The following TNKS variants were observed in gnomAD, a reference collection of about 807,000 sequenced individuals.
TNKS encodes poly [ADP-ribose] polymerase tankyrase-1.
A neutral mutation model predicts 135.8 loss-of-function variants in TNKS; 72 were observed. The observed-to-expected ratio is 0.53, with a 90% CI of 0.44 to 0.64. The LOEUF (loss-of-function observed/expected upper bound fraction) is 0.64, where lower values mean the gene tolerates loss of function less well. Ranked by LOEUF, TNKS falls within the 30% of genes least tolerant of loss-of-function variation. The pLI is 0.00. For missense variants in TNKS, 1,769 were observed against 1,674.0 expected (o/e 1.06, Z -0.99); for synonymous variants, 849 against 649.3 (o/e 1.31, Z -4.68).
In TNKS at chr8:9,556,640, G is replaced by C. The variant is rs779783565; in HGVS notation, c.673+28G>C. 1.1e-5 allele frequency: 18 copies of C among 1,611,650 alleles called. No homozygotes were observed. In the South Asian group the frequency reaches 2.0e-4, roughly 18 times the overall value. ...CAGAGACTTTTGAATTGTTTATTAA[G>C]GGTTATGGGTTTGGGTGCAGGGTCC... On this transcript the variant is annotated intron_variant, in intron 1 of 26. Coordinates refer to ENST00000310430, the MANE Select transcript of TNKS (RefSeq NM_003747.3).
intron 26 of TNKS, among the ~76,000 whole-genome samples, chr8:9,771,164 G>T: frequency 6.8e-6 from 1 of 147,922 alleles, no homozygotes; most frequent in East Asian, 2.0e-4. Flanking sequence ...CAGACAGGAA[G>T]GAAAGGAGGG....
chr8:9,594,011 C>T (rs910064967), intron 2 of TNKS, among the ~76,000 whole-genome samples: 3 of 152,044 alleles, frequency 2.0e-5, no homozygotes, highest in African/African-American at 7.2e-5. Context: ...CTCAGCCTCC[C>T]GAATAGCTGG....
intron 20 of TNKS, among the ~76,000 whole-genome samples, chr8:9,757,564 C>A (rs1405389163): frequency 6.6e-6 from 1 of 152,168 alleles, no homozygotes; most frequent in Admixed American, 6.6e-5. Context: ...TTCCTCATCT[C>A]CTTCCTGCTC....
intron 3 of TNKS, among the ~76,000 whole-genome samples, chr8:9,678,972 A>G (rs79591946): frequency 6.6e-6 from 1 of 152,160 alleles, no homozygotes; most frequent in Non-Finnish European, 1.5e-5. Flanking sequence ...CTTTTTATTT[A>G]CTGAAGGAAC....
chr8:9,659,229 G>C (rs1324402752), intron 3 of TNKS, among the ~76,000 whole-genome samples: 1 of 152,282 alleles, frequency 6.6e-6, no homozygotes, highest in Non-Finnish European at 1.5e-5. Flanking sequence ...TCTGCACCAA[G>C]TGGACCTAAT....
intron 15 of TNKS, 41 bp from the exon 16 acceptor site, chr8:9,734,824 T>A (rs1249113463): frequency 6.4e-7 from 1 of 1,554,654 alleles, no homozygotes; most frequent in East Asian, 2.2e-5. Context: ...ACCTACTTAC[T>A]ACAGAAAATA....
In TNKS at chr8:9,593,790, C is replaced by T. The variant is rs369252385; in HGVS notation, c.898+13407C>T. 1.3e-4 allele frequency among the ~76,000 whole-genome samples: 20 copies of T among 152,226 alleles called. No individual in the cohort carries two copies. In the East Asian group the frequency reaches 2.9e-3, roughly 22 times the overall value. On this transcript the variant is annotated intron_variant, in intron 2 of 26. Transcript: ENST00000310430. ...GTTAACATCCTGGAACTTGGAATGGCACGGGATTGGGGATGGGGGAAAGAA... is the reference window on the plus strand; with the variant it reads ...GTTAACATCCTGGAACTTGGAATGGTACGGGATTGGGGATGGGGGAAAGAA...
chr8:9,673,087 A>G (rs1347784349), intron 3 of TNKS, among the ~76,000 whole-genome samples: 1 of 152,102 alleles, frequency 6.6e-6, no homozygotes, highest in African/African-American at 2.4e-5. Context: ...GCCGATGTGT[A>G]TTTATTGAGA....
chr8:9,710,134 T>C lies in TNKS; in HGVS notation c.1671-8T>C. ...AATTACCTTTTCTTTCTTTCCTCTT[T>C]TCTGTAGTTTCATGACTCCCCTGCA... On this transcript the variant is annotated splice_polypyrimidine_tract_variant and splice_region_variant and intron_variant, in intron 10 of 26. Transcript: ENST00000310430. 6.2e-7 allele frequency: 1 copy of C among 1,614,006 alleles called. No homozygotes were observed. Among genetic ancestry groups the C allele is most frequent in the South Asian group, 1.1e-5 (1 of 91,080 alleles).
chr8:9,765,771 A>C lies in TNKS; in HGVS notation c.3527A>C (p.His1176Pro). 6.2e-7 allele frequency: 1 copy of C among 1,613,992 alleles called. No homozygotes were observed. ...QKEVSEENHN[H>P]HNERMLFHGS... Reference sequence around the variant, plus strand: ...GAAGTGTCTGAGGAGAATCACAACCATCACAATGAGCGCATGTTGTTTCAT... The same window carrying C: ...GAAGTGTCTGAGGAGAATCACAACCCTCACAATGAGCGCATGTTGTTTCAT... The change falls in exon 24 of 27, where the codon CAT (histidine) becomes CCT (proline). Residue 1176 changes from histidine to proline, a missense_variant. Transcript: ENST00000310430.
At chr8:9,750,380 C>G (rs907802749) in intron 18 of TNKS, among the ~76,000 whole-genome samples, 1 of 152,200 alleles carries the variant, frequency 6.6e-6, no homozygotes, top group Non-Finnish European at 1.5e-5. Context: ...TCCTTTCTCT[C>G]TTCCTGTACC....
At chr8:9,698,618 A>G (rs4323472) in intron 5 of TNKS, among the ~76,000 whole-genome samples, 149,134 of 152,268 alleles carry the variant, frequency 0.98, 73,103 homozygotes, top group East Asian at 1. Context: ...TTCCAAAGCC[A>G]GAATGCAAAA....
At chr8:9,689,072 G>C (rs577509930) in intron 5 of TNKS, among the ~76,000 whole-genome samples, 3 of 152,012 alleles carry the variant, frequency 2.0e-5, no homozygotes, top group Admixed American at 2.0e-4. Context: ...TGGGGGTTGG[G>C]GCTTCAACAT....
intron 5 of TNKS, chr8:9,681,202 C>A (rs561399761): frequency 6.5e-6 from 1 of 154,380 alleles, no homozygotes; most frequent in Non-Finnish European, 1.4e-5. Context: ...TGCTAGATAC[C>A]AACACTTTTT....
intron 3 of TNKS, among the ~76,000 whole-genome samples, chr8:9,676,436 T>A (rs1227815583): frequency 6.6e-6 from 1 of 152,164 alleles, no homozygotes; most frequent in Non-Finnish European, 1.5e-5. Context: ...TCTACCTTCA[T>A]CCTGTCAGTT....
intron 2 of TNKS, among the ~76,000 whole-genome samples, chr8:9,613,776 A>G (rs1439726698): frequency 6.6e-6 from 1 of 152,238 alleles, no homozygotes; most frequent in Non-Finnish European, 1.5e-5. Flanking sequence ...GGCAACATAT[A>G]GTAGTTAAAA....
At chr8:9,621,320 T>TC (rs1799857462) in intron 3 of TNKS, among the ~76,000 whole-genome samples, 1 of 151,744 alleles carries the variant, frequency 6.6e-6, no homozygotes, top group Non-Finnish European at 1.5e-5. Flanking sequence ...TTTTTTTTTT[T>TC]TGAGACGGAG....
intron 1 of TNKS, among the ~76,000 whole-genome samples, chr8:9,572,648 C>T (rs1395218580): frequency 1.3e-5 from 2 of 152,098 alleles, no homozygotes; most frequent in Non-Finnish European, 2.9e-5. Context: ...TACGAGAAAG[C>T]GAGTAGAATT....
chr8:9,659,803 T>C (rs1453702273), intron 3 of TNKS, among the ~76,000 whole-genome samples: 2 of 152,082 alleles, frequency 1.3e-5, no homozygotes, highest in Non-Finnish European at 2.9e-5. Flanking sequence ...CAGGAGCTGG[T>C]TTTTTGGAAA....
Sources: gnomAD v4.1 joint callset for allele counts (sites outside exome capture counted in the v4.1 genomes callset) on GRCh38, gnomAD v4.1.1 for gene constraint, MANE v1.5 for transcripts, NCBI Gene and HGNC (gene_info 2026-07-23, HGNC 2026-07-21) for gene names.